The following SEC23IP variants were observed in gnomAD, a reference collection of about 807,000 sequenced individuals.
SEC23IP encodes the protein SEC23 interacting protein, also known as SEC23-interacting protein.
In SEC23IP, 70 loss-of-function variants were observed where a neutral mutation model predicts 113.4. The observed-to-expected ratio is 0.62, with a 90% CI of 0.51 to 0.75. SEC23IP has a LOEUF of 0.75. Ranked by LOEUF, SEC23IP falls within the 30% of genes least tolerant of loss-of-function variation. The pLI is 0.00. For synonymous variants in SEC23IP, 398 were observed against 421.0 expected, an observed-to-expected ratio of 0.95 and a Z score of 0.67; for missense variants, 1,160 against 1,204.9, an observed-to-expected ratio of 0.96 and a Z score of 0.55.
At chr10:119,917,593 G>A (rs1564915862) in intron 8 of SEC23IP, among the ~76,000 whole-genome samples, 1 of 152,016 alleles carries the variant, frequency 6.6e-6, no homozygotes, top group Non-Finnish European at 1.5e-5. Context: ...TGGCCTGGTT[G>A]GTCTTGAACT....
chr10:119,892,885 G>A lies in SEC23IP; in HGVS notation c.103G>A (p.Val35Met), dbSNP rs1854138434. 1 of 1,613,676 alleles carries A rather than the reference G, an allele frequency of 6.2e-7. No homozygotes were observed. The highest frequency in any genetic ancestry group is 8.5e-7 in the Non-Finnish European group (1 of 1,179,850). Reference sequence around the variant, plus strand: ...CTCGGCCACGGAGTTCAGCTTCAATGTGCCCTTCATCCCAGTCACCCAGGC... The same window carrying A: ...CTCGGCCACGGAGTTCAGCTTCAATATGCCCTTCATCCCAGTCACCCAGGC... ...SSSATEFSFNVPFIPVTQASA... is the reference protein window; with the variant it reads ...SSSATEFSFNMPFIPVTQASA... Residue 35 changes from valine (V) to methionine (M), a missense_variant, in exon 1 of 19, where the codon GTG (valine) becomes ATG (methionine). Transcript: ENST00000369075.
At chr10:119,901,257 T>G (rs1854490308) in intron 2 of SEC23IP, among the ~76,000 whole-genome samples, 3 of 152,096 alleles carry the variant, frequency 2.0e-5, no homozygotes, top group Non-Finnish European at 4.4e-5. Flanking sequence ...TCCTCCTTCC[T>G]TGGCCTCCCA....
chr10:119,909,980 T>G (rs2134475445), intron 5 of SEC23IP, among the ~76,000 whole-genome samples: 1 of 152,316 alleles, frequency 6.6e-6, no homozygotes, highest in East Asian at 1.9e-4. Context: ...TGCTTGATAA[T>G]TTTTTTCACT....
chr10:119,898,014 TAA>T (rs71482624), intron 1 of SEC23IP, among the ~76,000 whole-genome samples: 19 of 132,148 alleles, frequency 1.4e-4, no homozygotes, highest in East Asian at 2.8e-4. Flanking sequence ...CAAAAAAAAA[TAA>T]AAAAAAAAAA....
chr10:119,930,373 T>G lies in SEC23IP; in HGVS notation c.2514T>G (p.Asp838Glu). The change falls in exon 15 of 19, where the codon GAT becomes GAG. Residue 838 changes from aspartate to glutamate, a missense_variant. Physicochemically the swap from Asp to Glu is conservative, Grantham distance 45 (BLOSUM62 2). Coordinates refer to ENST00000369075, the MANE Select transcript of SEC23IP (RefSeq NM_007190.4). ...AYRLEPMIVP[D>E]LDLKAVLIPH... is the part of the protein sequence containing the mutation. The stretch of plus-strand genomic sequence containing the variant: ...GATTAGAACCTATGATTGTTCCAGA[T>G]TTGGACCTAAAAGCTGTTCTCATTC... The G allele has an allele frequency of 6.2e-7, 1 of 1,612,008 alleles. No homozygotes were observed. Among genetic ancestry groups the G allele is most frequent in the East Asian group, 2.2e-5 (1 of 44,752 alleles).
At chr10:119,894,314 T>G (rs1296291861) in intron 1 of SEC23IP, among the ~76,000 whole-genome samples, 2 of 152,214 alleles carry the variant, frequency 1.3e-5, no homozygotes, top group African/African-American at 4.8e-5. Context: ...GAATAATTTA[T>G]TCTTGTTTGA....
At chr10:119,917,685 G>GATTT (rs1855097955) in intron 8 of SEC23IP, 151 bp from the exon 9 acceptor site, 1 of 616,796 alleles carries the variant, frequency 1.6e-6, no homozygotes, top group African/African-American at 1.8e-5. Context: ...GGCCTATCTT[G>GATTT]ATTTATTTAT....
intron 18 of SEC23IP, among the ~76,000 whole-genome samples, chr10:119,937,193 A>G (rs1855821097): frequency 6.6e-6 from 1 of 151,722 alleles, no homozygotes; most frequent in Admixed American, 6.6e-5. Flanking sequence ...TTTCTTTCTT[A>G]TGGATTTATA....
At chr10:119,904,869 G>C (rs1385608791) in intron 4 of SEC23IP, among the ~76,000 whole-genome samples, 1 of 152,080 alleles carries the variant, frequency 6.6e-6, no homozygotes, top group Non-Finnish European at 1.5e-5. Context: ...GTGGTGGCTC[G>C]TGCCTATAAT....
intron 3 of SEC23IP, 75 bp downstream of exon 3, chr10:119,903,084 T>C (rs1250612488): frequency 1.6e-6 from 2 of 1,212,724 alleles, no homozygotes; most frequent in African/African-American, 1.5e-5. Flanking sequence ...CATGATCTAT[T>C]TTCTGTGAAT....
chr10:119,914,932 G>A (rs986782083), intron 7 of SEC23IP, 113 bp downstream of exon 7: 1 of 946,420 alleles, frequency 1.1e-6, no homozygotes, highest in Non-Finnish European at 1.6e-6. Flanking sequence ...TGAGGAGTCT[G>A]TAAGAGGAAA....
Position 119,926,165 on chromosome 10 carries a change from G to T in SEC23IP, c.2251G>T (p.Val751Phe). ...ESNEPKRKLPVGACVSSVCVN... is the reference protein window; with the variant it reads ...ESNEPKRKLPFGACVSSVCVN... ...CAATGAGCCAAAGAGGAAACTTCCA[G>T]TTGGTGCTTGCGTGTCTTCTGTGTG... Residue 751 changes from valine (V) to phenylalanine (F), a missense_variant, in exon 13 of 19, where the codon GTT becomes TTT. Physicochemically the swap from Val to Phe is conservative, Grantham distance 50 (BLOSUM62 -1). Transcript: ENST00000369075. 1 of 1,614,170 alleles carries T rather than the reference G, an allele frequency of 6.2e-7. No individual in the cohort carries two copies.
chr10:119,917,158 C>T (rs777159490), intron 8 of SEC23IP, among the ~76,000 whole-genome samples: 15 of 152,080 alleles, frequency 9.9e-5, no homozygotes, highest in African/African-American at 3.6e-4. Flanking sequence ...CATGAGCCAC[C>T]ACATGTGGCA....
At chr10:119,908,575 A>G (rs1028257406) in intron 4 of SEC23IP, among the ~76,000 whole-genome samples, 5 of 152,202 alleles carry the variant, frequency 3.3e-5, no homozygotes, top group Non-Finnish European at 1.5e-5. Context: ...GATGGAGGCA[A>G]AGGCTGGAGT....
At chr10:119,923,151 C>A (rs1410233446) in intron 12 of SEC23IP, among the ~76,000 whole-genome samples, 1 of 152,086 alleles carries the variant, frequency 6.6e-6, no homozygotes, top group Non-Finnish European at 1.5e-5. Context: ...GGTTTATGGA[C>A]TGCAGTTGCT....
intron 3 of SEC23IP, among the ~76,000 whole-genome samples, chr10:119,903,878 G>A (rs910867846): frequency 3.9e-5 from 6 of 152,102 alleles, no homozygotes; most frequent in Non-Finnish European, 5.9e-5. Context: ...GTGCCACCAC[G>A]CCTGGCTAAT....
At chr10:119,918,548 G>A (rs369846094) in intron 10 of SEC23IP, 37 bp downstream of exon 10, 79 of 1,145,952 alleles carry the variant, frequency 6.9e-5, no homozygotes, top group Non-Finnish European at 1.0e-4. Context: ...TTTCGATTTA[G>A]AGTCTATGGA....
At chr10:119,905,011 G>C (rs1218482021) in intron 4 of SEC23IP, among the ~76,000 whole-genome samples, 2 of 152,104 alleles carry the variant, frequency 1.3e-5, no homozygotes, top group Non-Finnish European at 2.9e-5. Flanking sequence ...GCACACGCTA[G>C]TAGTCCGAGC....
chr10:119,930,466 G>A (rs1380875056), intron 15 of SEC23IP, 35 bp downstream of exon 15: 17 of 1,267,470 alleles, frequency 1.3e-5, no homozygotes, highest in Non-Finnish European at 1.9e-5. Context: ...TTTTTTTCCT[G>A]TCATTTGTAA....
Sources: allele counts gnomAD v4.1 joint callset (sites outside exome capture counted in the v4.1 genomes callset), GRCh38; gene constraint gnomAD v4.1.1; transcripts MANE v1.5; gene names NCBI Gene and HGNC (gene_info 2026-07-23, HGNC 2026-07-21).